The following CLCN5 variants were observed in gnomAD, a reference collection of about 807,000 sequenced individuals.
The protein encoded by CLCN5 is H(+)/Cl(-) exchange transporter 5.
A neutral mutation model predicts 54.0 loss-of-function variants in CLCN5; 17 were observed. The observed-to-expected ratio is 0.31, with a 90% CI of 0.22 to 0.47. The LOEUF (loss-of-function observed/expected upper bound fraction) is 0.47. Ranked by LOEUF, CLCN5 falls within the 20% of genes least tolerant of loss-of-function variation. The pLI is 1.00. For missense variants in CLCN5, 448 were observed against 646.7 expected, an observed-to-expected ratio of 0.69 and a Z score of 3.33; for synonymous variants, 222 against 233.0, an observed-to-expected ratio of 0.95 and a Z score of 0.43.
intron 3 of CLCN5, among the ~76,000 whole-genome samples, chrX:50,002,251 T>C (rs1929867051): frequency 9.0e-6 from 1 of 110,963 alleles, no homozygotes; most frequent in African/African-American, 3.3e-5. Context: ...AACTATGTAC[T>C]GGACATCTGC....
intron 9 of CLCN5, chrX:50,085,701 G>C (rs1417536455): frequency 1.1e-5 from 4 of 368,961 alleles, no homozygotes; most frequent in Non-Finnish European, 1.9e-5. Flanking sequence ...TGAATTGGGA[G>C]TATGGGAGAT....
chrX:50,057,749 C>A (rs56151706), intron 4 of CLCN5, among the ~76,000 whole-genome samples: 1 of 107,273 alleles, frequency 9.3e-6, no homozygotes, highest in Non-Finnish European at 1.9e-5. Context: ...GGCCACTGGA[C>A]TTAATTGAGT....
intron 7 of CLCN5, 94 bp downstream of exon 7, chrX:50,076,076 T>A (rs1933393133): frequency 1.4e-5 from 12 of 834,028 alleles, no homozygotes; most frequent in Non-Finnish European, 1.8e-6. Context: ...GGAATCTTCC[T>A]TTATTTTCCT....
chrX:50,003,306 CTT>C, intron 3 of CLCN5: 1 of 347,406 alleles, frequency 2.9e-6, no homozygotes, highest in Non-Finnish European at 5.8e-6. Flanking sequence ...TAGACCCTCT[CTT>C]ACGTGCTCTG....
rs981431508 is a variant in CLCN5 at position 49,983,705 on chromosome X, T to G, written c.16+58391T>G. ...ATATATTAATATACATAATATAATA[T>G]ATATTAAAAATATAAAACTTTGGTG... On this transcript the variant is annotated intron_variant, in intron 3 of 14. Transcript: ENST00000376091. Among the ~76,000 whole-genome samples the G allele has an allele frequency of 4.6e-5, 5 of 108,277 alleles. No individual in the cohort carries two copies. The South Asian group carries it at 1.5e-3, about 33-fold the overall frequency. The allele number at this position is 108,277 out of a possible 115,157, so 94.0% of individuals were successfully genotyped here.
chrX:50,054,633 G>C (rs901139757), intron 4 of CLCN5: 1 of 111,810 alleles, frequency 8.9e-6, no homozygotes, highest in Non-Finnish European at 1.9e-5. Flanking sequence ...TTCTACTCCA[G>C]GTAAGCAGAT....
At chrX:49,922,939 G>A (rs1200197485) in intron 1 of CLCN5, 147 bp downstream of exon 1, 1 of 112,802 alleles carries the variant, frequency 8.9e-6, no homozygotes, top group Non-Finnish European at 1.9e-5. Context: ...GCTTCCCCGC[G>A]CCCGGCGTTG....
At chrX:50,069,273 C>T (rs1451670670) in intron 4 of CLCN5, among the ~76,000 whole-genome samples, 1 of 111,827 alleles carries the variant, frequency 8.9e-6, no homozygotes, top group African/African-American at 3.2e-5. Flanking sequence ...CTGAATCATA[C>T]ACTGTTCTTT....
chrX:50,088,649 A>G (rs1230701463), intron 11 of CLCN5, 49 bp from the exon 12 acceptor site: 2 of 1,132,126 alleles, frequency 1.8e-6, no homozygotes, highest in Non-Finnish European at 2.4e-6. Context: ...ACCATGTGCC[A>G]AGCAATCACA....
intron 3 of CLCN5, among the ~76,000 whole-genome samples, chrX:49,999,342 C>T (rs112082961): frequency 0.073 from 8,115 of 110,490 alleles, 756 homozygotes; most frequent in African/African-American, 0.26. Context: ...TGTGCCCTGC[C>T]TCTTAAACCC....
intron 3 of CLCN5, among the ~76,000 whole-genome samples, chrX:49,945,842 C>T (rs782650902): frequency 4.5e-4 from 49 of 108,635 alleles, no homozygotes; most frequent in African/African-American, 1.6e-3. Context: ...CTGCAACCTC[C>T]GCCTCCTGGG....
At position 50,096,505 on chromosome X, in the gene CLCN5, G is replaced by A. The variant is rs1338276664; in HGVS notation, c.*4286G>A. ...AGCTAACTTTTGTATTTTTAGTAGA[G>A]ACGGGGTTTCACCATGTTGGCCAGG... On this transcript the variant is annotated 3_prime_UTR_variant, in exon 15 of 15. Coordinates refer to ENST00000376091, the MANE Select transcript of CLCN5 (RefSeq NM_001127898.4). 1.8e-5 allele frequency: 2 copies of A among 111,220 alleles called. No individual in the cohort carries two copies. Among genetic ancestry groups the A allele is most frequent in the Admixed American group, 9.7e-5 (1 of 10,317 alleles). The allele number at this position is 111,220 out of a possible 1,213,427, so 9.2% of individuals were successfully genotyped here.
chrX:50,078,651 T>TA (rs781824747), intron 7 of CLCN5, among the ~76,000 whole-genome samples: 32 of 112,780 alleles, frequency 2.8e-4, no homozygotes, highest in Non-Finnish European at 2.8e-4. Flanking sequence ...TTAGAACTGT[T>TA]CTATCACTGC....
intron 3 of CLCN5, among the ~76,000 whole-genome samples, chrX:49,950,369 T>C (rs2147287872): frequency 8.9e-6 from 1 of 112,226 alleles, no homozygotes; most frequent in South Asian, 3.7e-4. Context: ...TCAAGTTTTT[T>C]CATAGGTAGA....
At chrX:50,033,606 T>C (rs890839647) in intron 3 of CLCN5, among the ~76,000 whole-genome samples, 5 of 110,929 alleles carry the variant, frequency 4.5e-5, no homozygotes, top group Non-Finnish European at 7.6e-5. Context: ...AGGTAATTTA[T>C]AGGTTCAATG....
intron 3 of CLCN5, among the ~76,000 whole-genome samples, chrX:49,974,975 G>A (rs1557176758): frequency 8.9e-6 from 1 of 111,896 alleles, no homozygotes. Context: ...TTTATACAAG[G>A]CACAGTACAG....
At chrX:50,011,100 CAG>C (rs1930479163) in intron 3 of CLCN5, among the ~76,000 whole-genome samples, 1 of 111,664 alleles carries the variant, frequency 9.0e-6, no homozygotes, top group Non-Finnish European at 1.9e-5. Flanking sequence ...CATGTCCTCA[CAG>C]AGTGGTCCCT....
chrX:50,086,504 A>G lies in CLCN5; in HGVS notation c.1191A>G (p.Ile397Met). Reference sequence around the variant, plus strand: ...TCGTGCCATTCATTCTGCTGGGCATATTTGGTGGTCTGTGGGGAGCACTGT... The same window carrying G: ...TCGTGCCATTCATTCTGCTGGGCATGTTTGGTGGTCTGTGGGGAGCACTGT... ...FELVPFILLG[I>M]FGGLWGALFI... The change falls in exon 11 of 15, where the codon ATA (isoleucine) becomes ATG (methionine). Residue 397 changes from isoleucine to methionine, a missense_variant. Ile to Met is a conservative substitution (Grantham distance 10). Around this residue, in one of 5 missense-constraint regions of CLCN5, gnomAD observed 297 missense variants for 470.4 expected, o/e 0.63. Coordinates refer to ENST00000376091, the MANE Select transcript of CLCN5 (RefSeq NM_001127898.4). 8.3e-7 allele frequency: 1 copy of G among 1,210,772 alleles called. No individual in the cohort carries two copies. Among genetic ancestry groups the G allele is most frequent in the Non-Finnish European group, 1.1e-6 (1 of 895,386 alleles).
chrX:49,995,390 C>T (rs1929466649), intron 3 of CLCN5, among the ~76,000 whole-genome samples: 2 of 111,990 alleles, frequency 1.8e-5, no homozygotes, highest in Admixed American at 9.5e-5. Context: ...AGAATTCTTT[C>T]GAAAATAGTT....
Sources: allele counts gnomAD v4.1 joint callset (sites outside exome capture counted in the v4.1 genomes callset), GRCh38; gene constraint gnomAD v4.1.1; regional missense constraint gnomAD v4.1.1; transcripts MANE v1.5; gene names NCBI Gene and HGNC (gene_info 2026-07-23, HGNC 2026-07-21).